Variants in NXPE2 observed in about 807,000 individuals in gnomAD.
The protein encoded by NXPE2 is NXPE family member 2.
NXPE2 carries 34 observed loss-of-function variants against 34.4 expected under a neutral mutation model. The observed-to-expected ratio is 0.99, with a 90% CI of 0.75 to 1.31. The LOEUF is 1.31. Among genes scored for constraint, NXPE2 ranks in the 40% most tolerant of loss-of-function variants. The pLI, the probability that NXPE2 is intolerant of heterozygous loss-of-function variation, is 0.00. For synonymous variants in NXPE2, 235 were observed against 231.3 expected, an observed-to-expected ratio of 1.02 and a Z score of -0.15; for missense variants, 649 against 672.5, an observed-to-expected ratio of 0.97 and a Z score of 0.39.
chr11:114,580,023 G>A, the NXPE2 span: 3 of 960,154 alleles, frequency 3.1e-6, no homozygotes, highest in Non-Finnish European at 3.2e-6. Context: ...GGTGTGTTGT[G>A]ATTGAAGAAT....
rs1565393242 is a variant in NXPE2, at chr11:114,706,841, A to G, written c.1591A>G (p.Met531Val). Residue 531 changes from methionine (M) to valine (V), a missense_variant, in exon 6 of 6, where the codon ATG becomes GTG. By Grantham distance (21) the Met-to-Val change is conservative. Coordinates refer to ENST00000389586, the MANE Select transcript of NXPE2 (RefSeq NM_182495.6). ...LNVGIIDAWD[M>V]TIAYCTNNAH... ...TGTGGGTATTATTGATGCCTGGGAC[A>G]TGACGATTGCATATTGCACCAACAA... 7 of 1,552,140 alleles carry G rather than the reference A, an allele frequency of 4.5e-6. No homozygotes were observed. In the East Asian group the frequency reaches 7.3e-5, roughly 16 times the overall value.
At chr11:114,568,474 C>G in the NXPE2 span, among the ~76,000 whole-genome samples, 1 of 145,494 alleles carries the variant, frequency 6.9e-6, no homozygotes, top group African/African-American at 2.5e-5. Flanking sequence ...ACTGCTCCCC[C>G]CTCCCTTTAT....
At chr11:114,474,361 A>T in the NXPE2 span, among the ~76,000 whole-genome samples, 1 of 152,172 alleles carries the variant, frequency 6.6e-6, no homozygotes, top group Non-Finnish European at 1.5e-5. Flanking sequence ...GGTGTCAGAG[A>T]GAGTAGTGAC....
the NXPE2 span, among the ~76,000 whole-genome samples, chr11:114,650,729 C>A: frequency 6.6e-6 from 1 of 152,128 alleles, no homozygotes; most frequent in Non-Finnish European, 1.5e-5. Flanking sequence ...CCAAGACCAA[C>A]CATGGATACA....
the NXPE2 span, among the ~76,000 whole-genome samples, chr11:114,807,719 T>A: frequency 6.6e-6 from 1 of 151,700 alleles, no homozygotes; most frequent in Non-Finnish European, 1.5e-5. Flanking sequence ...ACAAAGAGAC[T>A]TAGACTCCCA....
the NXPE2 span, among the ~76,000 whole-genome samples, chr11:114,591,946 A>G: frequency 4.6e-5 from 7 of 152,294 alleles, no homozygotes; most frequent in African/African-American, 1.7e-4. Context: ...TAATCATCTC[A>G]ATAGAAAAGA....
chr11:114,611,932 G>A, the NXPE2 span, among the ~76,000 whole-genome samples: 89 of 151,238 alleles, frequency 5.9e-4, no homozygotes, highest in African/African-American at 2.1e-3. Flanking sequence ...TTGCCCGGTG[G>A]GTAACCACTG....
the NXPE2 span, among the ~76,000 whole-genome samples, chr11:114,639,255 A>G: frequency 2.6e-5 from 4 of 151,268 alleles, no homozygotes; most frequent in African/African-American, 9.7e-5. Context: ...CTCTGTGGGC[A>G]TAGGACCCTC....
At chr11:114,696,057 CTGAGCTCAG>C (rs1951246810) in intron 2 of NXPE2, among the ~76,000 whole-genome samples, 1 of 151,708 alleles carries the variant, frequency 6.6e-6, no homozygotes, top group Non-Finnish European at 1.5e-5. Context: ...AGAAATCAGG[CTGAGCTCAG>C]TGGCTCAGGT....
the NXPE2 span, among the ~76,000 whole-genome samples, chr11:114,633,387 T>C: frequency 1.4e-5 from 2 of 144,836 alleles, no homozygotes; most frequent in African/African-American, 2.5e-5. Flanking sequence ...TGTATTATAT[T>C]ATATATTATA....
the NXPE2 span, among the ~76,000 whole-genome samples, chr11:114,617,383 G>A: frequency 6.6e-6 from 1 of 150,678 alleles, no homozygotes; most frequent in Admixed American, 6.6e-5. Context: ...CTGTTACCCG[G>A]TAGATAATAA....
At chr11:114,697,064 A>T (rs1001991158) in intron 2 of NXPE2, among the ~76,000 whole-genome samples, 6 of 152,332 alleles carry the variant, frequency 3.9e-5, no homozygotes, top group African/African-American at 1.4e-4. Context: ...TCTCTCTCTC[A>T]AAATATCTTA....
chr11:114,469,257 G>A, the NXPE2 span, among the ~76,000 whole-genome samples: 5 of 148,896 alleles, frequency 3.4e-5, no homozygotes, highest in Admixed American at 1.3e-4. Context: ...GACTACAGGC[G>A]CCTGCCACCA....
At chr11:114,490,240 A>G in the NXPE2 span, among the ~76,000 whole-genome samples, 2 of 152,246 alleles carry the variant, frequency 1.3e-5, no homozygotes, top group African/African-American at 2.4e-5. Context: ...TTCCATGCTC[A>G]TGGGTAGGAA....
At chr11:114,666,703 T>C in the NXPE2 span, among the ~76,000 whole-genome samples, 2 of 152,118 alleles carry the variant, frequency 1.3e-5, no homozygotes, top group African/African-American at 4.8e-5. Context: ...AAAGAGGTAT[T>C]AGGGTCTCAA....
chr11:114,755,616 T>C, the NXPE2 span, among the ~76,000 whole-genome samples: 1 of 152,172 alleles, frequency 6.6e-6, no homozygotes, highest in Non-Finnish European at 1.5e-5. Flanking sequence ...ATGTATCTAT[T>C]TATCCATCTT....
the NXPE2 span, among the ~76,000 whole-genome samples, chr11:114,654,460 T>G: frequency 1.3e-5 from 2 of 152,030 alleles, no homozygotes; most frequent in South Asian, 2.1e-4. Context: ...ATCTTCTATG[T>G]GCCCTCCCCT....
chr11:114,696,587 A>G (rs1197836023), intron 2 of NXPE2, among the ~76,000 whole-genome samples: 2 of 152,214 alleles, frequency 1.3e-5, no homozygotes, highest in Non-Finnish European at 2.9e-5. Flanking sequence ...CATCCAAAAT[A>G]CATAACAACC....
the NXPE2 span, among the ~76,000 whole-genome samples, chr11:114,605,327 T>A: frequency 6.6e-6 from 1 of 151,958 alleles, no homozygotes; most frequent in Non-Finnish European, 1.5e-5. Flanking sequence ...ACCTGGTGGA[T>A]AATAAGTATT....
Sources: gnomAD v4.1 joint callset for allele counts (sites outside exome capture counted in the v4.1 genomes callset) on GRCh38, gnomAD v4.1.1 for gene constraint, MANE v1.5 for transcripts, NCBI Gene and HGNC (gene_info 2026-07-23, HGNC 2026-07-21) for gene names.